The following NKAIN2 variants were observed in gnomAD, a reference collection of about 807,000 sequenced individuals.
The protein encoded by NKAIN2 is sodium/potassium transporting ATPase interacting 2.
A neutral mutation model predicts 32.6 loss-of-function variants in NKAIN2; 14 were observed. The observed-to-expected ratio is 0.43, with a 90% CI of 0.28 to 0.67. The LOEUF (loss-of-function observed/expected upper bound fraction) is 0.67. NKAIN2 is among the 30% of genes least tolerant of loss of function. NKAIN2 has a pLI of 0.17. For synonymous variants in NKAIN2, 80 were observed against 87.2 expected (o/e 0.92, Z 0.46); for missense variants, 198 against 258.3 (o/e 0.77, Z 1.60).
At chr6:124,236,194 G>A (rs1257351861) in intron 1 of NKAIN2, among the ~76,000 whole-genome samples, 1 of 152,014 alleles carries the variant, frequency 6.6e-6, no homozygotes, top group Non-Finnish European at 1.5e-5. Context: ...TGTAAACAAG[G>A]CAGTATGCTA....
At chr6:124,300,417 A>C (rs746301008) in intron 2 of NKAIN2, among the ~76,000 whole-genome samples, 18 of 152,240 alleles carry the variant, frequency 1.2e-4, no homozygotes, top group Non-Finnish European at 2.1e-4. Context: ...TCCCAGTATT[A>C]ATTACCCAGT....
intron 1 of NKAIN2, among the ~76,000 whole-genome samples, chr6:123,920,242 C>T (rs780036998): frequency 1.1e-4 from 16 of 152,080 alleles, no homozygotes; most frequent in East Asian, 3.9e-4. Context: ...GCAGTAACAA[C>T]GCTGGCAAAA....
intron 3 of NKAIN2, among the ~76,000 whole-genome samples, chr6:124,500,909 T>G (rs1414988853): frequency 6.6e-6 from 1 of 152,038 alleles, no homozygotes; most frequent in Admixed American, 6.5e-5. Context: ...AACAGAGGCC[T>G]TGTAGAAGAG....
chr6:124,272,097 G>A (rs2114880997), intron 1 of NKAIN2, among the ~76,000 whole-genome samples: 1 of 152,340 alleles, frequency 6.6e-6, no homozygotes, highest in East Asian at 1.9e-4. Context: ...TGATAATGCA[G>A]TATGAAGGAA....
intron 1 of NKAIN2, among the ~76,000 whole-genome samples, chr6:124,005,946 G>A (rs1312398600): frequency 1.3e-5 from 2 of 152,072 alleles, no homozygotes; most frequent in South Asian, 4.2e-4. Flanking sequence ...TTCACTGTAG[G>A]ATTCCTGTGA....
At chr6:123,929,795 TA>T (rs906822954) in intron 1 of NKAIN2, among the ~76,000 whole-genome samples, 5 of 152,088 alleles carry the variant, frequency 3.3e-5, no homozygotes, top group African/African-American at 1.2e-4. Context: ...CAGATTTTTT[TA>T]GGGGAATGTT....
At chr6:124,022,477 T>C (rs932677606) in intron 1 of NKAIN2, among the ~76,000 whole-genome samples, 1 of 152,176 alleles carries the variant, frequency 6.6e-6, no homozygotes, top group African/African-American at 2.4e-5. Context: ...CACACTGTCT[T>C]CCACAATGGT....
rs976540328 is a variant in NKAIN2 at position 124,710,034 on chromosome 6, T to G, written c.474+51648T>G. Among the ~76,000 whole-genome samples, 18 of 152,156 alleles carry G rather than the reference T, an allele frequency of 1.2e-4. 1 individual carries two copies. Among genetic ancestry groups the G allele is most frequent in the Admixed American group, 1.1e-3 (17 of 15,274 alleles). On this transcript the variant is annotated intron_variant, in intron 4 of 6. Coordinates refer to ENST00000368417, the MANE Select transcript of NKAIN2 (RefSeq NM_001040214.3). ...CCAGAGATTCTGGTATGTTGTGTCTTTGTTCTCGTTGGTTTCAAAGAACAT... is the reference window on the plus strand; with the variant it reads ...CCAGAGATTCTGGTATGTTGTGTCTGTGTTCTCGTTGGTTTCAAAGAACAT...
chr6:124,366,706 G>T (rs1217066242), intron 3 of NKAIN2, among the ~76,000 whole-genome samples: 1 of 151,988 alleles, frequency 6.6e-6, no homozygotes, highest in Non-Finnish European at 1.5e-5. Context: ...GGAGGCTGAG[G>T]TGGGTGGATC....
At chr6:124,734,884 T>A (rs571062936) in intron 4 of NKAIN2, among the ~76,000 whole-genome samples, 1 of 152,030 alleles carries the variant, frequency 6.6e-6, no homozygotes, top group Admixed American at 6.6e-5. Flanking sequence ...TAATACATTT[T>A]TCCTTGAAGT....
intron 1 of NKAIN2, among the ~76,000 whole-genome samples, chr6:124,100,201 G>A (rs1028575865): frequency 3.9e-5 from 6 of 152,180 alleles, no homozygotes; most frequent in African/African-American, 1.4e-4. Context: ...AGCGATGCTT[G>A]AGTGCATCTT....
At chr6:124,310,563 CT>C (rs1394520284) in intron 2 of NKAIN2, among the ~76,000 whole-genome samples, 1 of 152,082 alleles carries the variant, frequency 6.6e-6, no homozygotes, top group Non-Finnish European at 1.5e-5. Flanking sequence ...AAAAATATTA[CT>C]GTCCCTTGGA....
intron 1 of NKAIN2, among the ~76,000 whole-genome samples, chr6:124,006,534 C>A (rs1029100004): frequency 2.6e-5 from 4 of 152,168 alleles, no homozygotes; most frequent in Admixed American, 2.6e-4. Flanking sequence ...ATTAGGTTAT[C>A]CTGAGGCAAA....
chr6:123,839,552 G>T (rs1440181932), intron 1 of NKAIN2, among the ~76,000 whole-genome samples: 1 of 151,834 alleles, frequency 6.6e-6, no homozygotes, highest in East Asian at 1.9e-4. Flanking sequence ...AGAGTTTGTA[G>T]TTCCCTTTAA....
chr6:124,447,925 T>C (rs1403201694), intron 3 of NKAIN2, among the ~76,000 whole-genome samples: 1 of 152,124 alleles, frequency 6.6e-6, no homozygotes, highest in East Asian at 1.9e-4. Context: ...GGTTGCCCTT[T>C]GCACTAGAGT....
At chr6:123,892,481 G>T (rs2114378391) in intron 1 of NKAIN2, among the ~76,000 whole-genome samples, 1 of 151,844 alleles carries the variant, frequency 6.6e-6, no homozygotes, top group South Asian at 2.1e-4. Context: ...GCTCTCATGA[G>T]ACTCGCTATC....
chr6:124,722,518 A>G (rs1023933285), intron 4 of NKAIN2, among the ~76,000 whole-genome samples: 10 of 152,200 alleles, frequency 6.6e-5, no homozygotes, highest in African/African-American at 2.2e-4. Context: ...TTGGATCAGC[A>G]GGCATTAGAG....
At chr6:124,720,054 A>AT (rs375640967) in intron 4 of NKAIN2, among the ~76,000 whole-genome samples, 10 of 151,880 alleles carry the variant, frequency 6.6e-5, no homozygotes, top group South Asian at 2.1e-4. Context: ...AGAGGACTGA[A>AT]TTTTTTTTTC....
chr6:124,434,851 C>T (rs1393378726), intron 3 of NKAIN2, among the ~76,000 whole-genome samples: 1 of 152,028 alleles, frequency 6.6e-6, no homozygotes, highest in Non-Finnish European at 1.5e-5. Context: ...AGTGAGATGG[C>T]TTATAGAGTT....
Sources: allele counts gnomAD v4.1 joint callset (sites outside exome capture counted in the v4.1 genomes callset), GRCh38; gene constraint gnomAD v4.1.1; transcripts MANE v1.5; gene names NCBI Gene and HGNC (gene_info 2026-07-23, HGNC 2026-07-21).